The following HIPK1 variants were observed in gnomAD, a reference collection of about 807,000 sequenced individuals.
The protein encoded by HIPK1 is homeodomain interacting protein kinase 1, also known as homeodomain-interacting protein kinase 1.
HIPK1 carries 28 observed loss-of-function variants against 117.1 expected under a neutral mutation model. That is an observed-to-expected ratio of 0.24 (90% CI 0.18 to 0.33). The LOEUF is 0.33. Among genes scored for constraint, HIPK1 ranks in the 10% least tolerant of loss-of-function variants. The probability of loss-of-function intolerance (pLI) is 1.00; values close to 1 mark genes in which losing one functional copy is unlikely to be tolerated. For synonymous variants in HIPK1, 605 were observed against 562.5 expected (o/e 1.08, Z -1.07); for missense variants, 1,122 against 1,475.1 (o/e 0.76, Z 3.92).
intron 6 of HIPK1, 67 bp downstream of exon 6, chr1:113,956,878 C>T: frequency 1.4e-6 from 2 of 1,421,182 alleles, no homozygotes; most frequent in Admixed American, 1.9e-5. Flanking sequence ...TTATCAATGG[C>T]ACTATCAAAT....
intron 12 of HIPK1, 152 bp from the exon 13 acceptor site, chr1:113,968,290 T>C (rs1287548229): frequency 9.2e-6 from 6 of 651,828 alleles, no homozygotes. Flanking sequence ...GCATGGTGCT[T>C]ATTTTCACTG....
At chr1:113,956,554 G>T in intron 5 of HIPK1, 73 bp from the exon 6 acceptor site, 1 of 1,020,974 alleles carries the variant, frequency 9.8e-7, no homozygotes. Context: ...ACATAGTTTG[G>T]AGGGAAAGCA....
In HIPK1 at chr1:113,941,974, G is replaced by T. The variant is rs146604253; in HGVS notation, c.1076+515G>T. On this transcript the variant is annotated intron_variant, in intron 2 of 15. Transcript: ENST00000426820. The surrounding 1 kb of genome is among the most constrained non-coding windows in gnomAD (Gnocchi z 4.9). ...GACGGGGTTTCACCGTGTTAGCCAG[G>T]ATGGTCTCGATATCCTGACCTCGTG... Among the ~76,000 whole-genome samples, 490 of 151,974 alleles carry T rather than the reference G, an allele frequency of 3.2e-3. 5 individuals carry two copies. Among genetic ancestry groups the T allele is most frequent in the African/African-American group, 0.011 (473 of 41,416 alleles).
chr1:113,940,648 G>A lies in HIPK1; in HGVS notation c.265G>A (p.Ala89Thr), dbSNP rs753914152. The A allele has an allele frequency of 8.7e-6, 14 of 1,614,042 alleles. No homozygotes were observed. Among genetic ancestry groups the A allele is most frequent in the African/African-American group, 2.7e-5 (2 of 74,914 alleles). ...PAVEHIVVTA[A>T]DSSGSAATST... The stretch of plus-strand genomic sequence containing the variant: ...AGTGGAGCATATTGTTGTAACAGCC[G>A]CTGATAGCTCGGGCAGTGCTGCTAC... The change falls in exon 2 of 16, where the codon GCT (alanine) becomes ACT (threonine). Residue 89 changes from alanine (A) to threonine (T), a missense_variant. By Grantham distance (58) the Ala-to-Thr change is moderately conservative (BLOSUM62 0). Around this residue, in one of 6 missense-constraint regions of HIPK1, gnomAD observed 192 missense variants for 234.0 expected, o/e 0.82. Coordinates refer to ENST00000426820, the MANE Select transcript of HIPK1 (RefSeq NM_198268.3).
chr1:113,948,281 T>C (rs1671119374), intron 2 of HIPK1, among the ~76,000 whole-genome samples: 2 of 152,172 alleles, frequency 1.3e-5, no homozygotes, highest in Admixed American at 1.3e-4. Flanking sequence ...TGTTTGTTTT[T>C]GAGACAGGGT....
At chr1:113,929,695 G>T (rs1249047346) in intron 1 of HIPK1, 163 bp downstream of exon 1, 1 of 859,380 alleles carries the variant, frequency 1.2e-6, no homozygotes, top group Non-Finnish European at 1.5e-6. Context: ...GGCCGAGGCG[G>T]GAGCGCGCGG....
chr1:113,968,436 C>A lies in HIPK1; in HGVS notation c.2565-6C>A, dbSNP rs777623559. Reference sequence around the variant, plus strand: ...AATCATCTTTCCATGTGAACTTTTCCTACAGGTCCTCTCTAGATGTTCTGC... The same window carrying A: ...AATCATCTTTCCATGTGAACTTTTCATACAGGTCCTCTCTAGATGTTCTGC... On this transcript the variant is annotated splice_region_variant and splice_polypyrimidine_tract_variant and intron_variant, in intron 12 of 15. Transcript: ENST00000426820. 1.9e-6 allele frequency: 3 copies of A among 1,608,148 alleles called. No individual in the cohort carries two copies. The African/African-American group carries it at 4.0e-5, about 21-fold the overall frequency.
intron 5 of HIPK1, 99 bp from the exon 6 acceptor site, chr1:113,956,528 A>T: frequency 3.0e-6 from 2 of 658,564 alleles, no homozygotes; most frequent in Non-Finnish European, 4.8e-6. Context: ...TCTTTTGATT[A>T]CATATATACA....
intron 8 of HIPK1, among the ~76,000 whole-genome samples, chr1:113,959,433 A>T (rs1671947383): frequency 6.6e-6 from 1 of 152,198 alleles, no homozygotes; most frequent in Non-Finnish European, 1.5e-5. Flanking sequence ...TATTTTCTGC[A>T]TATGCTTCAT....
rs751524402 is a variant in HIPK1, at chr1:113,963,380, G to A, written c.2104-7G>A. 1.1e-5 allele frequency: 17 copies of A among 1,612,610 alleles called. No individual in the cohort carries two copies. Among genetic ancestry groups the A allele is most frequent in the South Asian group, 3.3e-5 (3 of 90,848 alleles). ...TGTTTCACTCACCTGCCTAATCTAC[G>A]TTTCAGGGAAGCTGTACACCACTAA... is the stretch of plus-strand genomic sequence containing the variant. On this transcript the variant is annotated splice_polypyrimidine_tract_variant and splice_region_variant and intron_variant, in intron 9 of 15. Transcript: ENST00000426820.
chr1:113,972,252 A>G (rs753304739), intron 15 of HIPK1, among the ~76,000 whole-genome samples: 3 of 152,182 alleles, frequency 2.0e-5, no homozygotes, highest in Non-Finnish European at 4.4e-5. Flanking sequence ...TGTCTGTGAT[A>G]GGCATATGCT....
chr1:113,952,768 C>T lies in HIPK1; in HGVS notation c.1079C>T (p.Ala360Val). Residue 360 changes from alanine to valine, a missense_variant and splice_region_variant, in exon 3 of 16, where the codon GCT (alanine) becomes GTT (valine). Around this residue, in one of 6 missense-constraint regions of HIPK1, gnomAD observed 127 missense variants for 197.9 expected, o/e 0.64. Transcript: ENST00000426820. ...STYLQSRYYR[A>V]PEIILGLPFC... is the part of the protein sequence containing the mutation. ...CTGATATTTTTTGTTTTTGCTAGAG[C>T]TCCTGAAATTATTCTTGGGTTACCA... is the stretch of plus-strand genomic sequence containing the variant. 1 of 1,456,106 alleles carries T rather than the reference C, an allele frequency of 6.9e-7. No individual in the cohort carries two copies. 90.2% of individuals were successfully genotyped at this position (1,456,106 alleles called of 1,614,324 possible). A position where few individuals can be genotyped will look rare whatever the true frequency, so the allele number is the denominator to read the frequency against.
chr1:113,954,229 CTG>C (rs1347642396), intron 3 of HIPK1, among the ~76,000 whole-genome samples: 3 of 151,246 alleles, frequency 2.0e-5, no homozygotes, highest in Admixed American at 2.0e-4. Context: ...TCCCAAAGTA[CTG>C]GGATTACAGG....
At chr1:113,950,199 A>G (rs1303428132) in intron 2 of HIPK1, among the ~76,000 whole-genome samples, 1 of 151,964 alleles carries the variant, frequency 6.6e-6, no homozygotes, top group East Asian at 1.9e-4. Context: ...TCCTTGCTTA[A>G]TCCTTGCCTT....
Position 113,957,971 on chromosome 1 carries a change from T to A in HIPK1, c.1756-95T>A, listed in dbSNP as rs185208247. On this transcript the variant is annotated intron_variant, in intron 7 of 15. Transcript: ENST00000426820. ...GCAGTTAACATTACATTTTAAAACA[T>A]TATTCTACGTTTTTCTGGATAAATT... The A allele has an allele frequency of 3.0e-4, 278 of 929,716 alleles. 1 individual carries two copies. The African/African-American group carries it at 4.1e-3, about 14-fold the overall frequency. 57.6% of individuals were successfully genotyped at this position (929,716 alleles called of 1,614,324 possible). A position where few individuals can be genotyped will look rare whatever the true frequency, so the allele number is the denominator to read the frequency against.
Position 113,976,620 on chromosome 1 carries a change from T to C in HIPK1, c.*3108T>C, listed in dbSNP as rs1441836181. ...AACTAGAGATTTTTCAGTCTTAGTCTGCAAACTGGCATTTCCGATTTTCCA... is the reference window on the plus strand; with the variant it reads ...AACTAGAGATTTTTCAGTCTTAGTCCGCAAACTGGCATTTCCGATTTTCCA... On this transcript the variant is annotated 3_prime_UTR_variant, in exon 16 of 16. Transcript: ENST00000426820. 1.3e-5 allele frequency: 2 copies of C among 152,830 alleles called. No homozygotes were observed. The highest frequency in any genetic ancestry group is 2.9e-5 in the Non-Finnish European group (2 of 68,080). 9.5% of individuals were successfully genotyped at this position (152,830 alleles called of 1,614,324 possible).
intron 2 of HIPK1, among the ~76,000 whole-genome samples, chr1:113,945,287 G>A (rs1335586317): frequency 6.6e-6 from 1 of 152,058 alleles, no homozygotes; most frequent in Non-Finnish European, 1.5e-5. Flanking sequence ...TATTCCTTGG[G>A]TTGCCTTTTT....
intron 1 of HIPK1, among the ~76,000 whole-genome samples, chr1:113,931,487 T>G (rs1445448105): frequency 1.3e-5 from 2 of 152,196 alleles, no homozygotes; most frequent in East Asian, 3.9e-4. Context: ...GAATGAGATC[T>G]TATAAATATA....
intron 1 of HIPK1, among the ~76,000 whole-genome samples, chr1:113,935,557 G>A (rs891112898): frequency 2.0e-5 from 3 of 152,172 alleles, no homozygotes; most frequent in African/African-American, 7.2e-5. Flanking sequence ...GGGATTGCTG[G>A]ATCTAATGGT....
Sources: allele counts gnomAD v4.1 joint callset (sites outside exome capture counted in the v4.1 genomes callset), GRCh38; gene constraint gnomAD v4.1.1; regional missense constraint gnomAD v4.1.1; non-coding constraint Gnocchi (gnomAD v3.1); transcripts MANE v1.5; gene names NCBI Gene and HGNC (gene_info 2026-07-23, HGNC 2026-07-21).